EVI5: variants seen among roughly 807,000 people sequenced by gnomAD.
EVI5 encodes ecotropic viral integration site 5 protein homolog.
In EVI5, 73 loss-of-function variants were observed where a neutral mutation model predicts 112.0. The ratio of observed to expected loss-of-function variants is 0.65; its 90% CI spans 0.54 to 0.79. The LOEUF is 0.79. Among genes scored for constraint, EVI5 ranks in the 30% least tolerant of loss-of-function variants. EVI5 has a pLI of 0.00. For missense variants in EVI5, 900 were observed against 968.8 expected, an observed-to-expected ratio of 0.93 and a Z score of 0.94; for synonymous variants, 305 against 319.9, an observed-to-expected ratio of 0.95 and a Z score of 0.50.
chr1:92,533,042 C>A (rs182435780), intron 19 of EVI5, among the ~76,000 whole-genome samples: 18 of 144,844 alleles, frequency 1.2e-4, no homozygotes, highest in African/African-American at 4.3e-4. Flanking sequence ...AGACCACTAG[C>A]CAGACTAATA....
intron 1 of EVI5, among the ~76,000 whole-genome samples, chr1:92,767,405 G>A (rs984947689): frequency 2.6e-5 from 4 of 152,088 alleles, no homozygotes; most frequent in East Asian, 3.9e-4. Context: ...TACATGCTAC[G>A]CATAGGATTT....
Position 92,640,894 on chromosome 1 carries a change from C to A in EVI5, c.1393-4558G>T, listed in dbSNP as rs139525928. Among the ~76,000 whole-genome samples, 686 of 152,246 alleles carry A rather than the reference C, an allele frequency of 4.5e-3. 11 individuals are homozygous for A. The highest frequency in any genetic ancestry group is 0.016 in the African/African-American group (650 of 41,552). ...TACATAAACACCATGGAATACTATG[C>A]AGCCATAAAAAGGAATGAGATCATG... On this transcript the variant is annotated intron_variant, in intron 13 of 19. Coordinates refer to ENST00000684568, the MANE Select transcript of EVI5 (RefSeq NM_001350197.2).
intron 13 of EVI5, among the ~76,000 whole-genome samples, chr1:92,655,943 A>G (rs1662924361): frequency 6.6e-6 from 1 of 152,212 alleles, no homozygotes; most frequent in Non-Finnish European, 1.5e-5. Context: ...ATCTAAGAAA[A>G]GAGACAGCAA....
At chr1:92,645,671 C>T (rs1660804885) in intron 13 of EVI5, among the ~76,000 whole-genome samples, 1 of 152,152 alleles carries the variant, frequency 6.6e-6, no homozygotes, top group African/African-American at 2.4e-5. Context: ...TTGAGCTATC[C>T]TATCCAAATA....
At chr1:92,532,694 A>G (rs1171611889) in intron 19 of EVI5, among the ~76,000 whole-genome samples, 5 of 152,238 alleles carry the variant, frequency 3.3e-5, no homozygotes, top group African/African-American at 9.6e-5. Context: ...TACTGGGTAA[A>G]TAACAAAATG....
chr1:92,619,567 G>A (rs1654049992), intron 16 of EVI5, among the ~76,000 whole-genome samples: 1 of 151,788 alleles, frequency 6.6e-6, no homozygotes. Context: ...AGGGAAAGGT[G>A]AAAAACATAA....
At chr1:92,737,343 C>T (rs1225338814) in intron 1 of EVI5, among the ~76,000 whole-genome samples, 1 of 152,088 alleles carries the variant, frequency 6.6e-6, no homozygotes, top group Non-Finnish European at 1.5e-5. Context: ...CTACCAATAG[C>T]TACGTTAATG....
intron 2 of EVI5, among the ~76,000 whole-genome samples, chr1:92,717,394 A>G (rs1673911985): frequency 6.6e-6 from 1 of 152,236 alleles, no homozygotes; most frequent in South Asian, 2.1e-4. Flanking sequence ...AATCTTCAAC[A>G]TTCTTAAAGA....
chr1:92,755,931 A>T, intron 1 of EVI5: 1 of 176,850 alleles, frequency 5.7e-6, no homozygotes. Flanking sequence ...AGTCTCAGCC[A>T]GTATTTTGCT....
intron 19 of EVI5, among the ~76,000 whole-genome samples, chr1:92,529,308 T>C (rs1263358458): frequency 6.6e-6 from 1 of 152,180 alleles, no homozygotes; most frequent in Non-Finnish European, 1.5e-5. Flanking sequence ...TGTGACCTAC[T>C]TTGATACTGT....
chr1:92,747,505 G>A (rs936898927), intron 1 of EVI5, among the ~76,000 whole-genome samples: 3 of 152,070 alleles, frequency 2.0e-5, no homozygotes, highest in African/African-American at 7.2e-5. Flanking sequence ...CTTGAGATCA[G>A]GAGTTTGAGA....
chr1:92,580,316 T>C (rs1338361446), intron 18 of EVI5, among the ~76,000 whole-genome samples: 1 of 152,230 alleles, frequency 6.6e-6, no homozygotes, highest in Non-Finnish European at 1.5e-5. Flanking sequence ...TCCTGATTCA[T>C]ATATTGCATT....
At chr1:92,527,898 C>T (rs1363855065) in intron 19 of EVI5, among the ~76,000 whole-genome samples, 2 of 152,102 alleles carry the variant, frequency 1.3e-5, no homozygotes, top group Non-Finnish European at 1.5e-5. Context: ...GGGTTGTCTC[C>T]AATCTATTAT....
chr1:92,690,515 G>C (rs1669319831), intron 9 of EVI5, among the ~76,000 whole-genome samples: 3 of 151,516 alleles, frequency 2.0e-5, no homozygotes, highest in South Asian at 2.1e-4. Flanking sequence ...GCTAATTTTT[G>C]GTCTTTTTTT....
chr1:92,621,300 A>G (rs1418382846), intron 16 of EVI5, among the ~76,000 whole-genome samples: 1 of 152,058 alleles, frequency 6.6e-6, no homozygotes, highest in Non-Finnish European at 1.5e-5. Context: ...ATGAGACTAA[A>G]TTGTTTTTAG....
intron 9 of EVI5, among the ~76,000 whole-genome samples, chr1:92,687,168 C>T (rs796196037): frequency 1.3e-5 from 2 of 152,264 alleles, no homozygotes; most frequent in East Asian, 3.9e-4. Context: ...ACCAAAACAG[C>T]ATGGTACTGG....
intron 14 of EVI5, among the ~76,000 whole-genome samples, chr1:92,629,177 CT>C (rs1656336555): frequency 6.6e-6 from 1 of 152,274 alleles, no homozygotes; most frequent in East Asian, 1.9e-4. Flanking sequence ...TTCTTGCTGG[CT>C]TTTTTTCTCA....
chr1:92,615,104 G>A (rs1041482814), intron 16 of EVI5, among the ~76,000 whole-genome samples: 4 of 151,848 alleles, frequency 2.6e-5, no homozygotes, highest in African/African-American at 9.7e-5. Flanking sequence ...GATAGTTCTT[G>A]GCATGAACTG....
intron 13 of EVI5, among the ~76,000 whole-genome samples, chr1:92,646,875 CA>C (rs937278756): frequency 6.6e-6 from 1 of 152,058 alleles, no homozygotes; most frequent in Admixed American, 6.5e-5. Flanking sequence ...TCAGGTAAAC[CA>C]CTGACAATTT....
Sources: allele counts gnomAD v4.1 joint callset (sites outside exome capture counted in the v4.1 genomes callset), GRCh38; gene constraint gnomAD v4.1.1; transcripts MANE v1.5; gene names NCBI Gene and HGNC (gene_info 2026-07-23, HGNC 2026-07-21).